MROH2B: variants seen among roughly 807,000 people sequenced by gnomAD.
MROH2B encodes maestro heat-like repeat-containing protein family member 2B.
MROH2B carries 177 observed loss-of-function variants against 208.6 expected under a neutral mutation model. The ratio of observed to expected loss-of-function variants is 0.85; its 90% CI spans 0.75 to 0.96. The LOEUF is 0.96. Ranked by LOEUF, MROH2B falls within the 40% of genes least tolerant of loss-of-function variation. MROH2B has a pLI of 0.00. For missense variants in MROH2B, 2,002 were observed against 1,878.7 expected, an observed-to-expected ratio of 1.07 and a Z score of -1.21; for synonymous variants, 728 against 659.0, an observed-to-expected ratio of 1.10 and a Z score of -1.60.
chr5:41,059,047 C>CAAAA (rs1171278919), intron 6 of MROH2B, among the ~76,000 whole-genome samples: 5 of 73,194 alleles, frequency 6.8e-5, no homozygotes, highest in Non-Finnish European at 1.1e-4. Context: ...GACTCCATCT[C>CAAAA]AAAAAAAAAA....
At chr5:41,000,070 C>T (rs1741338174) in intron 39 of MROH2B, 150 bp downstream of exon 39, 2 of 1,047,766 alleles carry the variant, frequency 1.9e-6, no homozygotes. Context: ...CTCTATGTCA[C>T]TATATCCTGT....
At chr5:41,029,937 C>T (rs1318855561) in intron 24 of MROH2B, among the ~76,000 whole-genome samples, 1 of 151,752 alleles carries the variant, frequency 6.6e-6, no homozygotes, top group East Asian at 1.9e-4. Flanking sequence ...CACATGTACT[C>T]CCAAATCTAA....
At chr5:41,015,562 T>A in intron 28 of MROH2B, 84 bp from the exon 29 acceptor site, 2 of 1,175,008 alleles carry the variant, frequency 1.7e-6, no homozygotes, top group Non-Finnish European at 2.5e-6. Flanking sequence ...GATATGACAC[T>A]AAATTAGCTG....
Position 41,004,842 on chromosome 5 carries a change from A to C in MROH2B, c.3943T>G (p.Ser1315Ala). ...GCCATCTGCCTCAGAGTGGCGTTGG[A>C]GTCCCAGGCACTTTGATCCATCAAG... is the stretch of plus-strand genomic sequence containing the variant. ...LILMDQSAWD[S>A]NATLRQMAIR... The change falls in exon 36 of 42, where the codon TCC (serine) becomes GCC (alanine). Residue 1315 changes from serine to alanine, a missense_variant. Transcript: ENST00000399564. 1 of 1,614,006 alleles carries C rather than the reference A, an allele frequency of 6.2e-7. No individual in the cohort carries two copies. Among genetic ancestry groups the C allele is most frequent in the Non-Finnish European group, 8.5e-7 (1 of 1,179,878 alleles).
intron 3 of MROH2B, 51 bp downstream of exon 3, chr5:41,067,057 G>A: frequency 1.0e-6 from 1 of 980,364 alleles, no homozygotes; most frequent in Non-Finnish European, 1.6e-6. Flanking sequence ...GTCCACATGG[G>A]TGCAGTTGGG....
chr5:41,008,362 T>G (rs1371961604), intron 33 of MROH2B, among the ~76,000 whole-genome samples: 1 of 152,202 alleles, frequency 6.6e-6, no homozygotes, highest in African/African-American at 2.4e-5. Flanking sequence ...AATATAGTAG[T>G]TCCTCTAGGA....
At chr5:41,038,698 C>T (rs756456531) in intron 21 of MROH2B, 38 bp downstream of exon 21, 2 of 1,563,050 alleles carry the variant, frequency 1.3e-6, no homozygotes, top group South Asian at 2.4e-5. Flanking sequence ...TTAGGAACCC[C>T]AGCCTAGAAA....
chr5:41,026,030 T>G (rs935722329), intron 24 of MROH2B, among the ~76,000 whole-genome samples: 1 of 152,136 alleles, frequency 6.6e-6, no homozygotes, highest in Admixed American at 6.5e-5. Flanking sequence ...ATTGATGGGA[T>G]GTATCTCAAA....
intron 35 of MROH2B, 46 bp from the exon 36 acceptor site, chr5:41,004,966 C>T (rs781490890): frequency 1.3e-6 from 2 of 1,597,168 alleles, no homozygotes; most frequent in Non-Finnish European, 1.7e-6. Context: ...GGGCGTGGCC[C>T]CTCCTTCAGG....
intron 5 of MROH2B, among the ~76,000 whole-genome samples, chr5:41,063,304 G>T (rs1392150627): frequency 1.3e-5 from 2 of 152,162 alleles, no homozygotes; most frequent in Admixed American, 1.3e-4. Context: ...GTGTAGTATA[G>T]CTGCACAGGT....
intron 33 of MROH2B, 87 bp downstream of exon 33, chr5:41,008,519 A>C (rs544972560): frequency 6.8e-7 from 1 of 1,465,968 alleles, no homozygotes; most frequent in Admixed American, 2.0e-5. Flanking sequence ...GCTATGACAG[A>C]AAGCACAGAC....
chr5:41,031,213 A>C (rs1742557205), intron 24 of MROH2B, among the ~76,000 whole-genome samples: 1 of 152,178 alleles, frequency 6.6e-6, no homozygotes, highest in African/African-American at 2.4e-5. Flanking sequence ...CTGTGGCCAA[A>C]GGCAAAGGGA....
chr5:41,056,003 A>G (rs1043010464), intron 9 of MROH2B, 148 bp from the exon 10 acceptor site: 15 of 634,862 alleles, frequency 2.4e-5, no homozygotes, highest in Non-Finnish European at 3.6e-5. Flanking sequence ...CTTCTTCAGT[A>G]TCACAGAATT....
At chr5:41,031,969 C>T (rs554891691) in intron 24 of MROH2B, among the ~76,000 whole-genome samples, 1 of 152,128 alleles carries the variant, frequency 6.6e-6, no homozygotes, top group Non-Finnish European at 1.5e-5. Context: ...TTTATCCAGT[C>T]GACCATGGAT....
At position 41,047,772 on chromosome 5, in the gene MROH2B, CA is replaced by C; in HGVS notation, c.1685-9del. The stretch of plus-strand genomic sequence containing the variant: ...CGGTACTGATGTTCTTTCCTAGAAA[CA>C]AAAATTGATGTAATAATCGCAAAAA... On this transcript the variant is annotated splice_polypyrimidine_tract_variant and intron_variant, in intron 16 of 41. Transcript: ENST00000399564. 6.3e-7 allele frequency: 1 copy of C among 1,580,134 alleles called. No individual in the cohort carries two copies. The highest frequency in any genetic ancestry group is 1.8e-5 in the Admixed American group (1 of 55,602).
chr5:41,054,189 AG>A (rs552561716), intron 11 of MROH2B, among the ~76,000 whole-genome samples: 58 of 152,166 alleles, frequency 3.8e-4, no homozygotes, highest in Non-Finnish European at 6.8e-4. Context: ...CATGTTGACC[AG>A]GCTGGTCTCG....
intron 12 of MROH2B, 29 bp downstream of exon 12, chr5:41,052,436 C>T (rs1743313973): frequency 6.3e-7 from 1 of 1,582,122 alleles, no homozygotes; most frequent in Non-Finnish European, 8.6e-7. Flanking sequence ...TTTTATAGTG[C>T]ATCACTCAAA....
chr5:41,004,452 C>T lies in MROH2B; in HGVS notation c.4088G>A (p.Cys1363Tyr), dbSNP rs1363726686. ...LYHLARTEVV[C>Y]ESLKALKKIL... Reference sequence around the variant, plus strand: ...TTTTTTTAGAGCCTTCAAGCTTTCACAGACGACTTCAGTGCGAGCTAGGTG... The same window carrying T: ...TTTTTTTAGAGCCTTCAAGCTTTCATAGACGACTTCAGTGCGAGCTAGGTG... The change falls in exon 37 of 42, where the codon TGT (cysteine) becomes TAT (tyrosine). Residue 1363 changes from cysteine to tyrosine, a missense_variant. Coordinates refer to ENST00000399564, the MANE Select transcript of MROH2B (RefSeq NM_173489.5). The T allele has an allele frequency of 1.9e-6, 3 of 1,613,924 alleles. No individual in the cohort carries two copies. Among genetic ancestry groups the T allele is most frequent in the African/African-American group, 2.7e-5 (2 of 74,938 alleles).
chr5:41,064,540 G>T lies in MROH2B; in HGVS notation c.392C>A (p.Thr131Asn), dbSNP rs771548739. ...VSQSIPFMMM[T>N]LLTMQTMLRL... Reference sequence around the variant, plus strand: ...GAGCATGGTTTGCATGGTGAGCAGGGTCATCATCATGAAAGGAATACTCTG... The same window carrying T: ...GAGCATGGTTTGCATGGTGAGCAGGTTCATCATCATGAAAGGAATACTCTG... The change falls in exon 5 of 42, where the codon ACC (threonine) becomes AAC (asparagine). Residue 131 changes from threonine to asparagine, a missense_variant. By Grantham distance (65) the Thr-to-Asn change is moderately conservative. Transcript: ENST00000399564. The T allele has an allele frequency of 6.2e-7, 1 of 1,613,358 alleles. No individual in the cohort carries two copies. Among genetic ancestry groups the T allele is most frequent in the South Asian group, 1.1e-5 (1 of 90,970 alleles).
Sources: allele counts gnomAD v4.1 joint callset (sites outside exome capture counted in the v4.1 genomes callset), GRCh38; gene constraint gnomAD v4.1.1; transcripts MANE v1.5; gene names NCBI Gene and HGNC (gene_info 2026-07-23, HGNC 2026-07-21).